The following HECW1 variants were observed in gnomAD, a reference collection of about 807,000 sequenced individuals.
HECW1 encodes HECT, C2 and WW domain containing E3 ubiquitin protein ligase 1.
In HECW1, 61 loss-of-function variants were observed where a neutral mutation model predicts 182.3. The ratio of observed to expected loss-of-function variants is 0.33; its 90% CI spans 0.27 to 0.41. The LOEUF is 0.41. Among genes scored for constraint, HECW1 ranks in the 10% least tolerant of loss-of-function variants. HECW1 has a pLI of 1.00. For missense variants in HECW1, 1,739 were observed against 2,108.9 expected (o/e 0.82, Z 3.44); for synonymous variants, 859 against 832.6 (o/e 1.03, Z -0.55).
chr7:43,176,764 T>A (rs1792292658), intron 2 of HECW1, among the ~76,000 whole-genome samples: 1 of 152,214 alleles, frequency 6.6e-6, no homozygotes, highest in African/African-American at 2.4e-5. Context: ...GGACTAAGTT[T>A]CCAACACATT....
rs112478631 is a variant in HECW1, at chr7:43,468,758, A to T, written c.2914-162A>T. On this transcript the variant is annotated intron_variant, in intron 15 of 29. Coordinates refer to ENST00000395891, the MANE Select transcript of HECW1 (RefSeq NM_015052.5). ...GCTGGTCTCGAATTCCTGGGTGTTT[A>T]CTTCTTGAGCAAGAGCTCATTTTCT... Among the ~76,000 whole-genome samples the T allele has an allele frequency of 2.1e-3, 326 of 152,166 alleles. 1 individual carries two copies. The highest frequency in any genetic ancestry group is 7.6e-3 in the African/African-American group (314 of 41,534).
chr7:43,238,290 G>C (rs773890397), intron 2 of HECW1, among the ~76,000 whole-genome samples: 15 of 152,204 alleles, frequency 9.9e-5, no homozygotes, highest in Non-Finnish European at 1.9e-4. Flanking sequence ...GCTGGCACCA[G>C]AGTGGGTGCT....
chr7:43,254,827 C>G (rs1157444529), intron 3 of HECW1, among the ~76,000 whole-genome samples: 1 of 152,204 alleles, frequency 6.6e-6, no homozygotes, highest in African/African-American at 2.4e-5. Context: ...CTGTATCTAT[C>G]TAAACTTGTC....
chr7:43,124,135 G>A (rs781503727), intron 2 of HECW1, among the ~76,000 whole-genome samples: 3 of 152,160 alleles, frequency 2.0e-5, no homozygotes, highest in Admixed American at 6.5e-5. Context: ...TCTACTAAAC[G>A]ATGTAATCGA....
rs2082302476 is a variant in HECW1, at chr7:43,565,290, G to C, written c.*3364G>C. ...AGAAAAAGAGACATATGATTTGGGGGAGCAGGCGTTAAACATGCAAGATCT... is the reference window on the plus strand; with the variant it reads ...AGAAAAAGAGACATATGATTTGGGGCAGCAGGCGTTAAACATGCAAGATCT... On this transcript the variant is annotated 3_prime_UTR_variant, in exon 30 of 30. Transcript: ENST00000395891. 4.8e-6 allele frequency: 1 copy of C among 207,312 alleles called. No homozygotes were observed. Among genetic ancestry groups the C allele is most frequent in the Non-Finnish European group, 9.8e-6 (1 of 101,550 alleles). 12.8% of individuals were successfully genotyped at this position (207,312 alleles called of 1,614,324 possible). A position where few individuals can be genotyped will look rare whatever the true frequency, so the allele number is the denominator to read the frequency against.
intron 2 of HECW1, among the ~76,000 whole-genome samples, chr7:43,199,332 T>C (rs1471780176): frequency 6.6e-6 from 1 of 152,276 alleles, no homozygotes; most frequent in Non-Finnish European, 1.5e-5. Context: ...ATTGACATTT[T>C]ACAATAAAGT....
chr7:43,215,949 A>G (rs2152698778), intron 2 of HECW1, among the ~76,000 whole-genome samples: 1 of 152,314 alleles, frequency 6.6e-6, no homozygotes, highest in African/African-American at 2.4e-5. Flanking sequence ...AGTGGGGCAG[A>G]CAGAGACCAC....
At chr7:43,133,302 T>A (rs1378183166) in intron 2 of HECW1, among the ~76,000 whole-genome samples, 1 of 151,898 alleles carries the variant, frequency 6.6e-6, no homozygotes, top group African/African-American at 2.4e-5. Context: ...TTATACTATG[T>A]ATTTAACATT....
intron 3 of HECW1, among the ~76,000 whole-genome samples, chr7:43,310,464 T>G (rs943723834): frequency 1.3e-5 from 2 of 152,226 alleles, no homozygotes; most frequent in Non-Finnish European, 2.9e-5. Flanking sequence ...GAGTCTGTCT[T>G]GTCTGCCTGT....
Position 43,444,889 on chromosome 7 carries a change from G to A in HECW1, c.1717G>A (p.Ala573Thr), listed in dbSNP as rs754513729. ...CACCCTGCTGCACAGCATGCCCTCC[G>A]CCCAGGGCGGCAGCGCGGCAGAGGA... ...IHTLLHSMPS[A>T]QGGSAAEEED... Residue 573 changes from alanine (A) to threonine (T), a missense_variant, in exon 11 of 30, where the codon GCC becomes ACC. By Grantham distance (58) the Ala-to-Thr change is moderately conservative (BLOSUM62 0). Coordinates refer to ENST00000395891, the MANE Select transcript of HECW1 (RefSeq NM_015052.5). The surrounding 1 kb of genome is among the most constrained non-coding windows in gnomAD (Gnocchi z 4.3). 16 of 1,605,502 alleles carry A rather than the reference G, an allele frequency of 1.0e-5. No individual in the cohort carries two copies. The highest frequency in any genetic ancestry group is 5.3e-5 in the African/African-American group (4 of 74,792).
At chr7:43,489,305 A>C (rs1450135345) in intron 17 of HECW1, among the ~76,000 whole-genome samples, 1 of 152,238 alleles carries the variant, frequency 6.6e-6, no homozygotes. Context: ...GCAAACTGGC[A>C]TGATTCCCTC....
At chr7:43,541,823 G>T (rs757260508) in intron 25 of HECW1, 46 bp from the exon 26 acceptor site, 21 of 1,402,996 alleles carry the variant, frequency 1.5e-5, no homozygotes, top group Admixed American at 5.3e-5. Flanking sequence ...TGAGGTCTGG[G>T]CAGCCATTTG....
chr7:43,466,511 C>G lies in HECW1; in HGVS notation c.2856C>G (p.Ser952=). The G allele has an allele frequency of 1.2e-6, 2 of 1,613,840 alleles. No homozygotes were observed. Among genetic ancestry groups the G allele is most frequent in the Middle Eastern group, 3.3e-4 (2 of 6,062 alleles). ...AAAAAATCACCTTGCTGCTGCAGTCCCCAGCGGTCAAGTTCATCACCAACC... is the reference window on the plus strand; with the variant it reads ...AAAAAATCACCTTGCTGCTGCAGTCGCCAGCGGTCAAGTTCATCACCAACC... The part of the protein sequence containing the change: ...NSQKITLLLQ[S]PAVKFITNPE... Residue 952 remains serine, a synonymous_variant, in exon 15 of 30, where the codon TCC becomes TCG. Coordinates refer to ENST00000395891, the MANE Select transcript of HECW1 (RefSeq NM_015052.5).
At chr7:43,325,846 C>T (rs1810699389) in intron 5 of HECW1, among the ~76,000 whole-genome samples, 1 of 152,206 alleles carries the variant, frequency 6.6e-6, no homozygotes, top group African/African-American at 2.4e-5. Flanking sequence ...ACCCAGATTG[C>T]TGCACGCTGT....
intron 8 of HECW1, among the ~76,000 whole-genome samples, chr7:43,410,724 C>T (rs568849332): frequency 1.8e-4 from 28 of 152,216 alleles, no homozygotes; most frequent in Admixed American, 5.9e-4. Flanking sequence ...TTTAGATTAC[C>T]TATTTCTTCT....
chr7:43,535,872 C>T (rs1474314396), intron 24 of HECW1, among the ~76,000 whole-genome samples: 2 of 152,114 alleles, frequency 1.3e-5, no homozygotes, highest in Admixed American at 6.5e-5. Context: ...TTTTACTTTA[C>T]ACTAAAAAAT....
chr7:43,346,846 T>C (rs922712971), intron 5 of HECW1, among the ~76,000 whole-genome samples: 4 of 152,222 alleles, frequency 2.6e-5, no homozygotes, highest in Non-Finnish European at 5.9e-5. Flanking sequence ...GTTCCACTAG[T>C]CTATGTGCCT....
intron 6 of HECW1, 157 bp from the exon 7 acceptor site, chr7:43,396,657 G>T: frequency 1.7e-6 from 1 of 575,024 alleles, no homozygotes; most frequent in Non-Finnish European, 3.1e-6. Flanking sequence ...ACATTAGGTT[G>T]CTAGAAAGTT....
intron 2 of HECW1, among the ~76,000 whole-genome samples, chr7:43,209,249 G>A (rs528741721): frequency 1.4e-4 from 22 of 152,150 alleles, no homozygotes; most frequent in African/African-American, 4.3e-4. Context: ...GACCACATAC[G>A]GCACGCTGGC....
Sources: gnomAD v4.1 joint callset for allele counts (sites outside exome capture counted in the v4.1 genomes callset) on GRCh38, gnomAD v4.1.1 for gene constraint, Gnocchi (gnomAD v3.1) non-coding constraint, MANE v1.5 for transcripts, NCBI Gene and HGNC (gene_info 2026-07-23, HGNC 2026-07-21) for gene names.